PPARGC1A: variants seen among roughly 807,000 people sequenced by gnomAD.
PPARGC1A encodes PPARG coactivator 1 alpha.
A neutral mutation model predicts 88.7 loss-of-function variants in PPARGC1A; 25 were observed. The observed-to-expected ratio is 0.28, with a 90% confidence interval of 0.21 to 0.39. The LOEUF (loss-of-function observed/expected upper bound fraction) is 0.39. PPARGC1A is among the 10% of genes least tolerant of loss of function. The pLI is 1.00. For synonymous variants in PPARGC1A, 363 were observed against 355.6 expected (o/e 1.02, Z -0.24); for missense variants, 880 against 968.7 (o/e 0.91, Z 1.22).
At chr4:24,394,326 G>A in the PPARGC1A span, among the ~76,000 whole-genome samples, 4 of 152,172 alleles carry the variant, frequency 2.6e-5, no homozygotes, top group Non-Finnish European at 5.9e-5. Context: ...GATCCAAGGA[G>A]CTGGCTGAGA....
At chr4:24,260,209 C>T in the PPARGC1A span, among the ~76,000 whole-genome samples, 6 of 152,184 alleles carry the variant, frequency 3.9e-5, no homozygotes, top group East Asian at 1.9e-4. Context: ...GTAGGAATGC[C>T]GGAGGCAAGA....
chr4:24,414,801 G>C, the PPARGC1A span, among the ~76,000 whole-genome samples: 1 of 152,170 alleles, frequency 6.6e-6, no homozygotes, highest in Admixed American at 6.5e-5. Context: ...TTCAGGAGGA[G>C]GGGGTGGCCT....
chr4:24,339,266 A>ACACACACACAC, the PPARGC1A span, among the ~76,000 whole-genome samples: 1 of 148,740 alleles, frequency 6.7e-6, no homozygotes, highest in Non-Finnish European at 1.5e-5. Flanking sequence ...ACACACACAC[A>ACACACACACAC]TCAGAATTCC....
At chr4:23,988,847 A>C in the PPARGC1A span, among the ~76,000 whole-genome samples, 1 of 147,848 alleles carries the variant, frequency 6.8e-6, no homozygotes, top group East Asian at 2.0e-4. Context: ...ATATATTACT[A>C]TGTATTTTTT....
the PPARGC1A span, among the ~76,000 whole-genome samples, chr4:24,221,115 A>T: frequency 3.9e-5 from 6 of 152,244 alleles, no homozygotes; most frequent in Admixed American, 1.3e-4. Context: ...GACAGGGAAT[A>T]ACAAAATTGA....
intron 2 of PPARGC1A, among the ~76,000 whole-genome samples, chr4:23,845,925 C>G (rs1247158186): frequency 6.6e-6 from 1 of 152,146 alleles, no homozygotes; most frequent in Admixed American, 6.6e-5. Context: ...ATACTTCACA[C>G]TGAATCAATT....
At chr4:23,985,080 GA>G in the PPARGC1A span, among the ~76,000 whole-genome samples, 6 of 152,120 alleles carry the variant, frequency 3.9e-5, no homozygotes, top group African/African-American at 1.4e-4. Flanking sequence ...GAACGTTCGT[GA>G]AAGTTTGGAG....
the PPARGC1A span, among the ~76,000 whole-genome samples, chr4:24,378,029 A>C: frequency 3.3e-5 from 5 of 152,140 alleles, no homozygotes; most frequent in African/African-American, 1.2e-4. Flanking sequence ...ACATGATGAA[A>C]TCTTGTTCTT....
intron 2 of PPARGC1A, among the ~76,000 whole-genome samples, chr4:23,833,105 A>G (rs1377855180): frequency 1.3e-5 from 2 of 152,172 alleles, no homozygotes; most frequent in African/African-American, 4.8e-5. Context: ...CTGTCCCTCT[A>G]ATAACACTAC....
chr4:24,190,282 G>A, the PPARGC1A span, among the ~76,000 whole-genome samples: 23 of 152,302 alleles, frequency 1.5e-4, no homozygotes, highest in East Asian at 7.7e-4. Flanking sequence ...TTGGGAGGCC[G>A]AGGTGGGTGG....
chr4:24,165,719 G>T, the PPARGC1A span, among the ~76,000 whole-genome samples: 1 of 152,044 alleles, frequency 6.6e-6, no homozygotes, highest in African/African-American at 2.4e-5. Context: ...TTGTATTAGG[G>T]TGCCATGATC....
chr4:24,469,322 A>G, the PPARGC1A span, among the ~76,000 whole-genome samples: 1 of 152,234 alleles, frequency 6.6e-6, no homozygotes, highest in South Asian at 2.1e-4. Flanking sequence ...GGAGATCAGT[A>G]AGGCCCGTTA....
chr4:23,839,032 A>C (rs938800926), intron 2 of PPARGC1A, among the ~76,000 whole-genome samples: 2 of 152,208 alleles, frequency 1.3e-5, no homozygotes, highest in South Asian at 4.1e-4. Context: ...ATAAAATATA[A>C]ACAAAATTGA....
chr4:24,421,342 G>T, the PPARGC1A span, among the ~76,000 whole-genome samples: 3 of 141,374 alleles, frequency 2.1e-5, no homozygotes, highest in Admixed American at 7.3e-5. Flanking sequence ...ATGGAGTCTC[G>T]CTCTGTCGCC....
the PPARGC1A span, among the ~76,000 whole-genome samples, chr4:24,400,891 A>G: frequency 6.6e-6 from 1 of 152,248 alleles, no homozygotes; most frequent in Non-Finnish European, 1.5e-5. Flanking sequence ...TGAAGGACAA[A>G]TGGAGCATTC....
At chr4:24,169,514 T>C in the PPARGC1A span, among the ~76,000 whole-genome samples, 1 of 152,104 alleles carries the variant, frequency 6.6e-6, no homozygotes, top group Non-Finnish European at 1.5e-5. Context: ...CTCTATGCTA[T>C]CTTTGCAGTT....
chr4:23,873,203 T>A (rs6815074), intron 2 of PPARGC1A, among the ~76,000 whole-genome samples: 79,387 of 103,992 alleles, frequency 0.76, 31,446 homozygotes, highest in African/African-American at 0.85. Context: ...GTCTCAAAAA[T>A]AAAAAATAAA....
At chr4:24,380,059 G>C in the PPARGC1A span, among the ~76,000 whole-genome samples, 1 of 152,042 alleles carries the variant, frequency 6.6e-6, no homozygotes, top group South Asian at 2.1e-4. Flanking sequence ...TTACAGGCCT[G>C]AGCCACCGTG....
At chr4:24,283,536 A>T in the PPARGC1A span, among the ~76,000 whole-genome samples, 1 of 152,342 alleles carries the variant, frequency 6.6e-6, no homozygotes, top group African/African-American at 2.4e-5. Flanking sequence ...CCTGATGAAC[A>T]TTTAAGAGGA....
Sources: allele counts gnomAD v4.1 joint callset (sites outside exome capture counted in the v4.1 genomes callset), GRCh38; gene constraint gnomAD v4.1.1; transcripts MANE v1.5; gene names NCBI Gene and HGNC (gene_info 2026-07-23, HGNC 2026-07-21).